The following RBFOX1 variants were observed in gnomAD, a reference collection of about 807,000 sequenced individuals.
RBFOX1 encodes the protein RNA binding fox-1 homolog 1, also known as RNA binding protein fox-1 homolog 1.
RBFOX1 carries 8 observed loss-of-function variants against 57.7 expected under a neutral mutation model. The observed-to-expected ratio is 0.14, with a 90% CI of 0.08 to 0.25. The LOEUF is 0.25. Ranked by LOEUF, RBFOX1 falls within the 10% of genes least tolerant of loss-of-function variation. RBFOX1 has a pLI of 1.00. For missense variants in RBFOX1, 611 were observed against 548.5 expected (o/e 1.11, Z -1.14); for synonymous variants, 326 against 222.4 (o/e 1.47, Z -4.15).
At chr16:7,325,100 T>G (rs535156151) in intron 4 of RBFOX1, among the ~76,000 whole-genome samples, 1 of 152,142 alleles carries the variant, frequency 6.6e-6, no homozygotes, top group Non-Finnish European at 1.5e-5. Context: ...GAGGAAGAGT[T>G]TTGATATCCC....
At chr16:6,572,691 C>T (rs993156337) in intron 2 of RBFOX1, among the ~76,000 whole-genome samples, 3 of 152,036 alleles carry the variant, frequency 2.0e-5, no homozygotes, top group African/African-American at 7.2e-5. Context: ...CTCCCGGGCT[C>T]AAGCGATTCT....
At chr16:6,141,686 C>A (rs1192899328) in intron 1 of RBFOX1, among the ~76,000 whole-genome samples, 1 of 151,952 alleles carries the variant, frequency 6.6e-6, no homozygotes, top group African/African-American at 2.4e-5. Flanking sequence ...AATTCTCTTA[C>A]TGTAATATTA....
At chr16:6,397,945 G>GA (rs2092907253) in intron 2 of RBFOX1, among the ~76,000 whole-genome samples, 1 of 151,950 alleles carries the variant, frequency 6.6e-6, no homozygotes, top group Admixed American at 6.6e-5. Context: ...AAATGAGACT[G>GA]AAAAAGGGGA....
At chr16:6,062,687 A>T (rs1035092864) in intron 1 of RBFOX1, among the ~76,000 whole-genome samples, 13 of 150,706 alleles carry the variant, frequency 8.6e-5, no homozygotes, top group African/African-American at 2.9e-4. Flanking sequence ...CTATATATGT[A>T]TATATGTATC....
At chr16:5,781,981 G>T (rs767683610) in intron 3 of RBFOX1, among the ~76,000 whole-genome samples, 1 of 152,150 alleles carries the variant, frequency 6.6e-6, no homozygotes, top group Non-Finnish European at 1.5e-5. Context: ...CGAGGTGGGC[G>T]GATTACTTGA....
chr16:7,002,111 T>G (rs2092870054), intron 3 of RBFOX1, among the ~76,000 whole-genome samples: 1 of 150,544 alleles, frequency 6.6e-6, no homozygotes, highest in Admixed American at 6.7e-5. Flanking sequence ...TTTTTTTTTC[T>G]CATGGGGTTG....
chr16:6,605,687 C>G (rs550379980), intron 2 of RBFOX1, among the ~76,000 whole-genome samples: 1 of 152,204 alleles, frequency 6.6e-6, no homozygotes, highest in Non-Finnish European at 1.5e-5. Context: ...CCCCGCCAGG[C>G]TCTGGGCAGG....
At chr16:7,097,648 C>T (rs960295701) in intron 4 of RBFOX1, among the ~76,000 whole-genome samples, 2 of 152,130 alleles carry the variant, frequency 1.3e-5, no homozygotes, top group African/African-American at 4.8e-5. Flanking sequence ...GTACTAAACC[C>T]AGGGCCTCTC....
intron 2 of RBFOX1, among the ~76,000 whole-genome samples, chr16:6,532,851 T>C (rs546172137): frequency 9.2e-5 from 14 of 152,338 alleles, no homozygotes; most frequent in Non-Finnish European, 1.8e-4. Flanking sequence ...GATCTCAGAC[T>C]TTCCATGTGA....
intron 3 of RBFOX1, among the ~76,000 whole-genome samples, chr16:5,623,702 C>G (rs370440562): frequency 1.3e-5 from 2 of 152,218 alleles, no homozygotes; most frequent in Admixed American, 6.5e-5. Context: ...CTTTTTCTCT[C>G]TCATTTGTTT....
chr16:6,249,822 T>A (rs538203893), intron 1 of RBFOX1, among the ~76,000 whole-genome samples: 1 of 150,158 alleles, frequency 6.7e-6, no homozygotes, highest in Non-Finnish European at 1.5e-5. Flanking sequence ...GTGTGCACAA[T>A]GTGCAGGTTA....
chr16:7,419,042 C>G (rs984330551), intron 4 of RBFOX1, among the ~76,000 whole-genome samples: 1 of 152,092 alleles, frequency 6.6e-6, no homozygotes, highest in African/African-American at 2.4e-5. Flanking sequence ...GTAGCTGGGA[C>G]TACAGGTGTT....
At chr16:6,190,786 T>G (rs2097136534) in intron 1 of RBFOX1, among the ~76,000 whole-genome samples, 1 of 152,156 alleles carries the variant, frequency 6.6e-6, no homozygotes, top group Non-Finnish European at 1.5e-5. Context: ...TCATGGCTTA[T>G]GTATTTTATC....
intron 4 of RBFOX1, among the ~76,000 whole-genome samples, chr16:7,091,597 G>A (rs1173459812): frequency 1.3e-5 from 2 of 151,872 alleles, no homozygotes; most frequent in African/African-American, 4.8e-5. Flanking sequence ...CTACCTCCCA[G>A]AGTGTGTTAC....
At chr16:5,407,334 A>G (rs1596903658) in intron 1 of RBFOX1, among the ~76,000 whole-genome samples, 1 of 152,182 alleles carries the variant, frequency 6.6e-6, no homozygotes, top group East Asian at 1.9e-4. Flanking sequence ...GCCTAACTAT[A>G]TCAAGTGACA....
At chr16:6,971,905 T>A (rs1435776587) in intron 3 of RBFOX1, among the ~76,000 whole-genome samples, 1 of 151,900 alleles carries the variant, frequency 6.6e-6, no homozygotes, top group Non-Finnish European at 1.5e-5. Flanking sequence ...GCAGCCTCAG[T>A]GGGGTGGTGA....
chr16:5,869,991 C>G (rs141193160), intron 4 of RBFOX1, among the ~76,000 whole-genome samples: 2 of 151,674 alleles, frequency 1.3e-5, no homozygotes, highest in Non-Finnish European at 2.9e-5. Flanking sequence ...ATACAGCAAT[C>G]AAAAAATATT....
chr16:5,996,224 C>T (rs1333788496), intron 4 of RBFOX1, among the ~76,000 whole-genome samples: 2 of 152,092 alleles, frequency 1.3e-5, no homozygotes, highest in African/African-American at 4.8e-5. Context: ...GGTCATTTTC[C>T]ACGAGCTCTT....
intron 2 of RBFOX1, among the ~76,000 whole-genome samples, chr16:6,518,705 C>G (rs1260775099): frequency 2.0e-5 from 3 of 152,024 alleles, no homozygotes; most frequent in Admixed American, 6.6e-5. Flanking sequence ...ATGTATCTGT[C>G]CATCCGTCCG....
Sources: allele counts gnomAD v4.1 joint callset (sites outside exome capture counted in the v4.1 genomes callset), GRCh38; gene constraint gnomAD v4.1.1; transcripts MANE v1.5; gene names NCBI Gene and HGNC (gene_info 2026-07-23, HGNC 2026-07-21).